The following KDM6B variants were observed in gnomAD, a reference collection of about 807,000 sequenced individuals.
KDM6B encodes lysine demethylase 6B.
A neutral mutation model predicts 150.4 loss-of-function variants in KDM6B; 22 were observed. That is an observed-to-expected ratio of 0.15 (90% CI 0.10 to 0.21). KDM6B has a LOEUF of 0.21. Among genes scored for constraint, KDM6B ranks in the 10% least tolerant of loss-of-function variants. KDM6B has a pLI of 1.00. For synonymous variants in KDM6B, 1,148 were observed against 921.1 expected, an observed-to-expected ratio of 1.25 and a Z score of -4.46; for missense variants, 1,984 against 2,234.3, an observed-to-expected ratio of 0.89 and a Z score of 2.26.
In KDM6B at chr17:7,848,656, C is replaced by T. The variant is rs776961607; in HGVS notation, c.2368C>T (p.Pro790Ser). 1 of 1,604,754 alleles carries T rather than the reference C, an allele frequency of 6.2e-7. No homozygotes were observed. The highest frequency in any genetic ancestry group is 8.5e-7 in the Non-Finnish European group (1 of 1,176,254). ...PLAKFPPPSQ[P>S]QPPPPPPPSP... is the part of the protein sequence containing the mutation. ...AGCCAAGTTCCCTCCACCCTCTCAG[C>T]CACAGCCACCACCACCCCCACCCCC... The change falls in exon 12 of 24, where the codon CCA (proline) becomes TCA (serine). Residue 790 changes from proline (P) to serine (S), a missense_variant. This residue lies in a region of KDM6B where 1,379 missense variants were observed against 1,275.6 expected (regional missense o/e 1.08). Transcript: ENST00000448097.
rs916640066 is a variant in KDM6B at position 7,854,140 on chromosome 17, C to G, written c.*619C>G. ...TTGGGAAAACCCGACCTCCCACACC[C>G]CCAAGCCATCCTGCCCGCCCCTCCA... On this transcript the variant is annotated 3_prime_UTR_variant, in exon 24 of 24. Transcript: ENST00000448097. 1 of 152,514 alleles carries G rather than the reference C, an allele frequency of 6.6e-6. No individual in the cohort carries two copies. Among genetic ancestry groups the G allele is most frequent in the Non-Finnish European group, 1.5e-5 (1 of 68,064 alleles). 9.4% of individuals were successfully genotyped at this position (152,514 alleles called of 1,614,324 possible). A position where few individuals can be genotyped will look rare whatever the true frequency, so the allele number is the denominator to read the frequency against.
Position 7,851,115 on chromosome 17 carries a change from C to T in KDM6B, c.3768C>T (p.Asn1256=). Residue 1256 remains asparagine, a synonymous_variant, in exon 15 of 24, where the codon AAC becomes AAT. Transcript: ENST00000448097. ...RTQVQQPSDE[N]WDLTGTRQIW... ...AGGTGCAGCAGCCCTCAGATGAGAA[C>T]TGGGATCTGACAGGCACTCGGCAGA... 1 of 1,613,820 alleles carries T rather than the reference C, an allele frequency of 6.2e-7. No homozygotes were observed. Among genetic ancestry groups the T allele is most frequent in the Non-Finnish European group, 8.5e-7 (1 of 1,180,028 alleles).
chr17:7,847,068 C>T (rs201220373), intron 10 of KDM6B, 37 bp from the exon 11 acceptor site: 1 of 1,611,116 alleles, frequency 6.2e-7, no homozygotes, highest in Non-Finnish European at 8.5e-7. Flanking sequence ...CCCACGCTCT[C>T]TATTCCTCAT....
In KDM6B at chr17:7,853,376, C is replaced by T. The variant is rs1236650240; in HGVS notation, c.4904C>T (p.Thr1635Met). ...CTGGCTCAGGCCTACGACGCCTTCA[C>T]GCTGGTGAGGGCCCGGCGGGCGCGC... ...EELAQAYDAF[T>M]LAPASTSR The change falls in exon 23 of 24, where the codon ACG (threonine) becomes ATG (methionine). Residue 1635 changes from threonine to methionine, a missense_variant. By Grantham distance (81) the Thr-to-Met change is moderately conservative. Coordinates refer to ENST00000448097, the MANE Select transcript of KDM6B (RefSeq NM_001348716.2). 6.5e-7 allele frequency: 1 copy of T among 1,549,186 alleles called. No homozygotes were observed. Among genetic ancestry groups the T allele is most frequent in the East Asian group, 2.4e-5 (1 of 41,636 alleles).
At position 7,846,223 on chromosome 17, in the gene KDM6B, C is replaced by A. The variant is rs773758995; in HGVS notation, c.382C>A (p.Arg128Ser). 1 of 1,614,132 alleles carries A rather than the reference C, an allele frequency of 6.2e-7. No homozygotes were observed. The highest frequency in any genetic ancestry group is 2.2e-5 in the East Asian group (1 of 44,888). ...AGAGCACGATAGTGAGGAGGCCACA[C>A]GCTGCTACCACAGCGCCCTTCGATA... ...ESEHDSEEATRCYHSALRYGG... is the reference protein window; with the variant it reads ...ESEHDSEEATSCYHSALRYGG... Residue 128 changes from arginine (R) to serine (S), a missense_variant, in exon 7 of 24, where the codon CGC (arginine) becomes AGC (serine). Physicochemically the swap from Arg to Ser is moderately radical, Grantham distance 110 (BLOSUM62 -1). Coordinates refer to ENST00000448097, the MANE Select transcript of KDM6B (RefSeq NM_001348716.2).
Position 7,847,401 on chromosome 17 carries a change from TAGC to T in KDM6B, c.1217_1219del (p.Ser406del), listed in dbSNP as rs762814813. The T allele has an allele frequency of 8.7e-6, 14 of 1,613,296 alleles. No individual in the cohort carries two copies. The African/African-American group carries it at 1.3e-4, about 15-fold the overall frequency. On this transcript the variant is annotated inframe_deletion, in exon 11 of 24. Coordinates refer to ENST00000448097, the MANE Select transcript of KDM6B (RefSeq NM_001348716.2). The stretch of plus-strand genomic sequence containing the variant: ...CCGGCACCACCACCAGCAGCAGCAG[TAGC>T]AGCAGCAGCAACACTGGTCTCCGGG...
At chr17:7,851,421 T>C in intron 16 of KDM6B, 27 bp downstream of exon 16, 1 of 1,614,098 alleles carries the variant, frequency 6.2e-7, no homozygotes, top group Non-Finnish European at 8.5e-7. Flanking sequence ...CCCCTTCTGT[T>C]CCTGCTTCCT....
In KDM6B at chr17:7,848,248, C is replaced by G. The variant is rs924043462; in HGVS notation, c.1960C>G (p.Gln654Glu). The change falls in exon 12 of 24, where the codon CAG (glutamine) becomes GAG (glutamate). Residue 654 changes from glutamine to glutamate, a missense_variant. By Grantham distance (29) the Gln-to-Glu change is conservative. Transcript: ENST00000448097. ...PPPGPLSKAP[Q>E]PVPPGVGELP... is the part of the protein sequence containing the mutation. ...CCCAGGCCCCCTGAGTAAAGCCCCC[C>G]AGCCTGTGCCGCCCGGGGTTGGGGA... 5.0e-6 allele frequency: 8 copies of G among 1,612,340 alleles called. No individual in the cohort carries two copies. The highest frequency in any genetic ancestry group is 3.3e-5 in the Admixed American group (2 of 59,998).
chr17:7,840,091 T>G (rs1245895671), intron 2 of KDM6B, 67 bp downstream of exon 2: 2 of 152,628 alleles, frequency 1.3e-5, no homozygotes, highest in Non-Finnish European at 2.9e-5. Flanking sequence ...TTGGAGATGC[T>G]CGGTATGATC....
rs773641298 is a variant in KDM6B at position 7,846,287 on chromosome 17, G to C, written c.446G>C (p.Arg149Pro). ...SFAELGPRIG[R>P]LQQAQLWNFH... ...GCTGAGCTGGGGCCCCGCATTGGCC[G>C]ACTGCAGCAGGTAGGAGAAGGCAGG... The change falls in exon 7 of 24, where the codon CGA becomes CCA. Residue 149 changes from arginine to proline, a missense_variant. Around this residue, in one of 13 missense-constraint regions of KDM6B, gnomAD observed 337 missense variants for 323.9 expected, o/e 1.04. Transcript: ENST00000448097. 3 of 1,612,842 alleles carry C rather than the reference G, an allele frequency of 1.9e-6. No individual in the cohort carries two copies. The East Asian group carries it at 6.7e-5, about 36-fold the overall frequency.
intron 1 of KDM6B, among the ~76,000 whole-genome samples, chr17:7,839,307 A>AG (rs1217212195): frequency 6.6e-6 from 1 of 151,954 alleles, no homozygotes; most frequent in East Asian, 1.9e-4. Flanking sequence ...GTTGGCAGGG[A>AG]GGGGAGGCTT....
rs1385649408 is a variant in KDM6B, at chr17:7,844,188, G to T, written c.-268-713G>T. 3 of 152,090 alleles carry T rather than the reference G, an allele frequency of 2.0e-5. No homozygotes were observed. The highest frequency in any genetic ancestry group is 7.2e-5 in the African/African-American group (3 of 41,426). 9.4% of individuals were successfully genotyped at this position (152,090 alleles called of 1,614,324 possible). ...GGGCCGTGGGGAACCGCGTGGCCCCGGCGGGGAAGGGCAGAGAGGATACGC... is the reference window on the plus strand; with the variant it reads ...GGGCCGTGGGGAACCGCGTGGCCCCTGCGGGGAAGGGCAGAGAGGATACGC... On this transcript the variant is annotated intron_variant, in intron 2 of 23. Coordinates refer to ENST00000448097, the MANE Select transcript of KDM6B (RefSeq NM_001348716.2). This position sits in a 1 kb window ranked among gnomAD's most constrained non-coding sequence, Gnocchi z 5.9.
In KDM6B at chr17:7,834,341, C is replaced by A. The variant is rs1193235965; in HGVS notation, c.-397C>A. On this transcript the variant is annotated 5_prime_UTR_variant, in exon 1 of 24. Transcript: ENST00000448097. ...GGAGCCTGAACACCTGGGACCCCCC[C>A]CAGAACCAGGTAACGGGGAGCCGCG... Among the ~76,000 whole-genome samples the A allele has an allele frequency of 6.6e-6, 1 of 152,004 alleles. No individual in the cohort carries two copies. The highest frequency in any genetic ancestry group is 1.5e-5 in the Non-Finnish European group (1 of 67,974).
At chr17:7,842,258 A>G (rs963636779) in intron 2 of KDM6B, among the ~76,000 whole-genome samples, 2 of 151,486 alleles carry the variant, frequency 1.3e-5, no homozygotes, top group African/African-American at 2.4e-5. Flanking sequence ...TCCCGAGTCC[A>G]GGGCCCGGAT....
chr17:7,852,774 T>A, intron 21 of KDM6B, 138 bp downstream of exon 21: 1 of 1,348,032 alleles, frequency 7.4e-7, no homozygotes, highest in Admixed American at 1.8e-5. Flanking sequence ...TTGGGGAGGC[T>A]AACTAGGTCC....
Position 7,849,856 on chromosome 17 carries a change from A to G in KDM6B, c.3476A>G (p.Tyr1159Cys). The G allele has an allele frequency of 6.2e-7, 1 of 1,613,246 alleles. No individual in the cohort carries two copies. The highest frequency in any genetic ancestry group is 8.5e-7 in the Non-Finnish European group (1 of 1,180,012). ...AKVKGKFRES[Y>C]LSPAQSVKPK... is the part of the protein sequence containing the mutation. ...GTGAAAGGGAAGTTTCGAGAGTCCT[A>G]CCTTTCCCCTGCCCAGTCTGTGAAA... The change falls in exon 13 of 24, where the codon TAC (tyrosine) becomes TGC (cysteine). Residue 1159 changes from tyrosine to cysteine, a missense_variant. Around this residue, in one of 13 missense-constraint regions of KDM6B, gnomAD observed 1,379 missense variants for 1,275.6 expected, o/e 1.08. Transcript: ENST00000448097.
chr17:7,847,475 G>A (rs1207476405), intron 11 of KDM6B, 23 bp downstream of exon 11: 2 of 1,613,142 alleles, frequency 1.2e-6, no homozygotes, highest in African/African-American at 2.7e-5. Flanking sequence ...TGAGGGTGGA[G>A]GGGGGGATGG....
At chr17:7,842,448 T>G (rs2078436788) in intron 2 of KDM6B, among the ~76,000 whole-genome samples, 1 of 152,218 alleles carries the variant, frequency 6.6e-6, no homozygotes, top group African/African-American at 2.4e-5. Flanking sequence ...GCCGCGTGCG[T>G]CTACCTCTCG....
chr17:7,848,562 CA>C lies in KDM6B; in HGVS notation c.2275del (p.Thr759ProfsTer23). The part of the protein sequence containing the change: ...VAVTTTTTTT[T>X]TTTATQEEEK... Reference sequence around the variant, plus strand: ...CCGTCACCACCACCACCACCACCACCACCACCACCACGGCCACCCAGGAAGA... The same window carrying C: ...CCGTCACCACCACCACCACCACCACCCCACCACCACGGCCACCCAGGAAGA... On this transcript the variant is annotated frameshift_variant, in exon 12 of 24. Transcript: ENST00000448097. LOFTEE classifies it high-confidence loss of function. The C allele has an allele frequency of 6.2e-7, 1 of 1,608,202 alleles. No homozygotes were observed. Among genetic ancestry groups the C allele is most frequent in the Admixed American group, 1.7e-5 (1 of 59,670 alleles).
Sources: allele counts gnomAD v4.1 joint callset (sites outside exome capture counted in the v4.1 genomes callset), GRCh38; gene constraint gnomAD v4.1.1; regional missense constraint gnomAD v4.1.1; non-coding constraint Gnocchi (gnomAD v3.1); transcripts MANE v1.5; gene names NCBI Gene and HGNC (gene_info 2026-07-23, HGNC 2026-07-21).